SMG6: variants seen among roughly 807,000 people sequenced by gnomAD.
SMG6 encodes the protein SMG6 nonsense mediated mRNA decay factor, also known as telomerase-binding protein EST1A.
SMG6 carries 66 observed loss-of-function variants against 142.2 expected under a neutral mutation model. That is an observed-to-expected ratio of 0.46 (90% CI 0.38 to 0.57). The LOEUF is 0.57. SMG6 is among the 20% of genes least tolerant of loss of function. The probability of loss-of-function intolerance (pLI) is 0.00; values close to 1 mark genes in which losing one functional copy is unlikely to be tolerated. For missense variants in SMG6, 1,793 were observed against 1,832.0 expected, an observed-to-expected ratio of 0.98 and a Z score of 0.39; for synonymous variants, 779 against 702.4, an observed-to-expected ratio of 1.11 and a Z score of -1.72.
intron 8 of SMG6, among the ~76,000 whole-genome samples, chr17:2,252,152 G>A (rs1342847344): frequency 2.0e-5 from 3 of 151,998 alleles, no homozygotes; most frequent in African/African-American, 7.2e-5. Flanking sequence ...GGTGGCTCAC[G>A]CCTGTAATCC....
In SMG6 at chr17:2,065,268, C is replaced by T. The variant is rs2067908085; in HGVS notation, c.4048-114G>A. 4 of 1,031,792 alleles carry T rather than the reference C, an allele frequency of 3.9e-6. No individual in the cohort carries two copies. In the South Asian group the frequency reaches 5.7e-5, roughly 15 times the overall value. 63.9% of individuals were successfully genotyped at this position (1,031,792 alleles called of 1,614,324 possible). ...GGGCAGGGCCACCTCCCCGATCCCT[C>T]CCATGCATGCGCTGGCCCTGCCTGG... On this transcript the variant is annotated intron_variant, in intron 17 of 18. Coordinates refer to ENST00000263073, the MANE Select transcript of SMG6 (RefSeq NM_017575.5).
intron 8 of SMG6, among the ~76,000 whole-genome samples, chr17:2,247,929 TAAACAAACAAAC>T (rs374727108): frequency 6.6e-6 from 1 of 151,552 alleles, no homozygotes; most frequent in African/African-American, 2.4e-5. Context: ...CAGTATCTGT[TAAACAAACAAAC>T]AAACAAACAA....
chr17:2,214,758 T>C (rs1007599148), intron 10 of SMG6, among the ~76,000 whole-genome samples: 11 of 152,180 alleles, frequency 7.2e-5, no homozygotes, highest in Non-Finnish European at 1.5e-4. Context: ...ATTTCTCCTC[T>C]CAAGAACATG....
At chr17:2,094,558 C>T (rs1326894014) in intron 13 of SMG6, among the ~76,000 whole-genome samples, 1 of 151,996 alleles carries the variant, frequency 6.6e-6, no homozygotes, top group Non-Finnish European at 1.5e-5. Context: ...TTATTTTATT[C>T]TAAGATGGGG....
At chr17:2,086,739 G>A (rs897711595) in intron 13 of SMG6, among the ~76,000 whole-genome samples, 8 of 152,164 alleles carry the variant, frequency 5.3e-5, no homozygotes, top group Admixed American at 2.6e-4. Flanking sequence ...CACCACACCT[G>A]CATGCCCTCT....
rs539225611 is a variant in SMG6, at chr17:2,086,127, T to C, written c.3358-226A>G. On this transcript the variant is annotated intron_variant, in intron 13 of 18. Coordinates refer to ENST00000263073, the MANE Select transcript of SMG6 (RefSeq NM_017575.5). ...TCTTCTGAGGTTATCTCTCCTTAGG[T>C]TATCTCTGGGGCAGCAGACAACCCC... 5.3e-5 allele frequency among the ~76,000 whole-genome samples: 8 copies of C among 152,220 alleles called. No homozygotes were observed. In the South Asian group the frequency reaches 1.7e-3, roughly 32 times the overall value.
At chr17:2,283,843 C>CT in intron 6 of SMG6, 108 bp from the exon 7 acceptor site, 1 of 764,888 alleles carries the variant, frequency 1.3e-6, no homozygotes, top group Non-Finnish European at 2.2e-6. Context: ...GTCTCCCAAA[C>CT]TGAGAGGAAT....
chr17:2,084,299 G>C (rs1391495118), intron 14 of SMG6, among the ~76,000 whole-genome samples: 1 of 152,246 alleles, frequency 6.6e-6, no homozygotes, highest in Non-Finnish European at 1.5e-5. Context: ...CCTGCCTGAA[G>C]CCTGGATGCC....
intron 13 of SMG6, among the ~76,000 whole-genome samples, chr17:2,130,266 CAA>C (rs903007543): frequency 2.5e-5 from 1 of 39,532 alleles, no homozygotes; most frequent in African/African-American, 1.6e-4. Flanking sequence ...GACTCCGTCT[CAA>C]AAAAAAAAAA....
At chr17:2,239,350 G>T (rs934023014) in intron 9 of SMG6, among the ~76,000 whole-genome samples, 9 of 152,096 alleles carry the variant, frequency 5.9e-5, no homozygotes, top group African/African-American at 2.2e-4. Flanking sequence ...AGCAGTCTCA[G>T]CAATAAAGCA....
At chr17:2,292,480 T>C in intron 6 of SMG6, 72 bp downstream of exon 6, 1 of 1,416,586 alleles carries the variant, frequency 7.1e-7, no homozygotes, top group Non-Finnish European at 9.9e-7. Context: ...CTCCAGGAAC[T>C]GATATTATCA....
At chr17:2,076,210 C>T (rs1026709444) in intron 15 of SMG6, among the ~76,000 whole-genome samples, 1 of 152,132 alleles carries the variant, frequency 6.6e-6, no homozygotes, top group Non-Finnish European at 1.5e-5. Context: ...GCGCTGGGAA[C>T]GGGGACTTGC....
intron 13 of SMG6, among the ~76,000 whole-genome samples, chr17:2,142,294 A>G (rs549690125): frequency 6.6e-6 from 1 of 152,344 alleles, no homozygotes; most frequent in Admixed American, 6.5e-5. Context: ...ATAGGGAGAA[A>G]ATATTTGTAA....
intron 13 of SMG6, among the ~76,000 whole-genome samples, chr17:2,100,218 TG>T (rs1398152309): frequency 6.6e-6 from 1 of 152,104 alleles, no homozygotes; most frequent in African/African-American, 2.4e-5. Flanking sequence ...TTGTATTTTT[TG>T]TAGAGATGAG....
chr17:2,130,278 A>AAAAAAAAAAAAAAAAAAAAAAAAAC (rs2070073534), intron 13 of SMG6, among the ~76,000 whole-genome samples: 1 of 147,078 alleles, frequency 6.8e-6, no homozygotes, highest in South Asian at 2.1e-4. Flanking sequence ...AAAAAAAAAA[A>AAAAAAAAAAAAAAAAAAAAAAAAAC]AAAAAAGAAA....
At chr17:2,113,850 G>A (rs903427002) in intron 13 of SMG6, among the ~76,000 whole-genome samples, 3 of 152,202 alleles carry the variant, frequency 2.0e-5, no homozygotes, top group African/African-American at 4.8e-5. Flanking sequence ...AACTAGTTAT[G>A]AAGTAACAAA....
chr17:2,066,268 ATGTCTGTGTGCGTGTATG>A (rs373644297), intron 16 of SMG6, among the ~76,000 whole-genome samples: 6 of 151,098 alleles, frequency 4.0e-5, no homozygotes, highest in African/African-American at 7.3e-5. Context: ...GCGCACGTGT[ATGTCTGTGTGCGTGTATG>A]TGTCTGTGTG....
rs1192350057 is a variant in SMG6, at chr17:2,244,738, G to A, written c.2662-19C>T. On this transcript the variant is annotated intron_variant, in intron 8 of 18. Transcript: ENST00000263073. Reference sequence around the variant, plus strand: ...TGTTCAGCTGCATGGGAAAAAGGGAGAGGAGAAAACAATTAAACTTTCCCC... The same window carrying A: ...TGTTCAGCTGCATGGGAAAAAGGGAAAGGAGAAAACAATTAAACTTTCCCC... 3.7e-6 allele frequency: 6 copies of A among 1,606,400 alleles called. No individual in the cohort carries two copies. Among genetic ancestry groups the A allele is most frequent in the Non-Finnish European group, 5.1e-6 (6 of 1,173,122 alleles).
intron 13 of SMG6, among the ~76,000 whole-genome samples, chr17:2,132,887 A>G (rs1275548490): frequency 1.3e-5 from 2 of 152,168 alleles, no homozygotes; most frequent in Non-Finnish European, 2.9e-5. Flanking sequence ...GGCTCAAGCA[A>G]TGTCCCTGCC....
Sources: gnomAD v4.1 joint callset for allele counts (sites outside exome capture counted in the v4.1 genomes callset) on GRCh38, gnomAD v4.1.1 for gene constraint, MANE v1.5 for transcripts, NCBI Gene and HGNC (gene_info 2026-07-23, HGNC 2026-07-21) for gene names.